The following RANBP10 variants were observed in gnomAD, a reference collection of about 807,000 sequenced individuals.
RANBP10 encodes RAN binding protein 10, also known as ran-binding protein 10.
In RANBP10, 24 loss-of-function variants were observed where a neutral mutation model predicts 72.8. The observed-to-expected ratio is 0.33, with a 90% CI of 0.24 to 0.46. The LOEUF (loss-of-function observed/expected upper bound fraction) is 0.46, where lower values mean the gene tolerates loss of function less well. RANBP10 is among the 20% of genes least tolerant of loss of function. The pLI is 1.00. For synonymous variants in RANBP10, 310 were observed against 322.3 expected (o/e 0.96, Z 0.41); for missense variants, 679 against 817.5 (o/e 0.83, Z 2.07).
At chr16:67,750,732 T>C (rs2054177748) in intron 3 of RANBP10, among the ~76,000 whole-genome samples, 2 of 151,570 alleles carry the variant, frequency 1.3e-5, no homozygotes, top group Non-Finnish European at 2.9e-5. Context: ...GTATAAGACA[T>C]AAGCTGGAAG....
chr16:67,737,958 C>T, intron 5 of RANBP10, 55 bp downstream of exon 5: 1 of 1,548,352 alleles, frequency 6.5e-7, no homozygotes, highest in Non-Finnish European at 8.8e-7. Flanking sequence ...CACCGTGCCC[C>T]ATCCCAGTCA....
chr16:67,801,487 A>G (rs1334636749), intron 2 of RANBP10, among the ~76,000 whole-genome samples: 1 of 152,208 alleles, frequency 6.6e-6, no homozygotes, highest in Non-Finnish European at 1.5e-5. Flanking sequence ...AGGGTAGGCC[A>G]CCAAACATCC....
At position 67,793,522 on chromosome 16, in the gene RANBP10, C is replaced by T. The variant is rs534433193; in HGVS notation, c.347+11906G>A. Among the ~76,000 whole-genome samples, 7 of 151,884 alleles carry T rather than the reference C, an allele frequency of 4.6e-5. No individual in the cohort carries two copies. In the East Asian group the frequency reaches 7.7e-4, roughly 17 times the overall value. Reference sequence around the variant, plus strand: ...AGACAGGGTTTCACCATGTTGGTCACGCTGGTCTCAAACTCCTAACCTCAG... The same window carrying T: ...AGACAGGGTTTCACCATGTTGGTCATGCTGGTCTCAAACTCCTAACCTCAG... On this transcript the variant is annotated intron_variant, in intron 2 of 13. Transcript: ENST00000317506.
rs1485743478 is a variant in RANBP10, at chr16:67,724,748, T to TG, written c.*1679dup. Reference sequence around the variant, plus strand: ...GGGCCCAGTGAGGCCTGGTGAGCAATGGGTATCTCAGGCCACACCAACCAT... The same window carrying TG: ...GGGCCCAGTGAGGCCTGGTGAGCAATGGGGTATCTCAGGCCACACCAACCAT... On this transcript the variant is annotated 3_prime_UTR_variant, in exon 14 of 14. Coordinates refer to ENST00000317506, the MANE Select transcript of RANBP10 (RefSeq NM_020850.3). 2 of 152,392 alleles carry TG rather than the reference T, an allele frequency of 1.3e-5. No homozygotes were observed. Among genetic ancestry groups the TG allele is most frequent in the East Asian group, 3.9e-4 (2 of 5,184 alleles). The allele number at this position is 152,392 out of a possible 1,614,324, so 9.4% of individuals were successfully genotyped here.
At chr16:67,752,371 C>A (rs970392794) in intron 3 of RANBP10, among the ~76,000 whole-genome samples, 2 of 152,062 alleles carry the variant, frequency 1.3e-5, no homozygotes, top group African/African-American at 2.4e-5. Context: ...CACAGGAGGC[C>A]GCTAGAAGCT....
At chr16:67,757,955 C>T (rs1267142644) in intron 3 of RANBP10, among the ~76,000 whole-genome samples, 2 of 152,282 alleles carry the variant, frequency 1.3e-5, no homozygotes, top group East Asian at 3.9e-4. Flanking sequence ...GATGATGATA[C>T]CAGGGGCTGA....
chr16:67,734,796 G>A, intron 6 of RANBP10, 62 bp downstream of exon 6: 1 of 1,449,790 alleles, frequency 6.9e-7, no homozygotes, highest in Non-Finnish European at 9.1e-7. Context: ...CCCTACAGGG[G>A]CCTAGAGTGA....
intron 2 of RANBP10, among the ~76,000 whole-genome samples, chr16:67,789,309 C>CA (rs1212571635): frequency 0.013 from 1,653 of 129,898 alleles, 17 homozygotes; most frequent in Non-Finnish European, 0.014. Flanking sequence ...GACTCCATCT[C>CA]AAAAAAAAAA....
chr16:67,734,313 C>G (rs932674365), intron 6 of RANBP10, among the ~76,000 whole-genome samples: 1 of 152,226 alleles, frequency 6.6e-6, no homozygotes, highest in Non-Finnish European at 1.5e-5. Flanking sequence ...AAACCCAAAG[C>G]TGGCCTCCCT....
At chr16:67,752,306 G>A (rs1003987334) in intron 3 of RANBP10, among the ~76,000 whole-genome samples, 3 of 152,226 alleles carry the variant, frequency 2.0e-5, no homozygotes, top group African/African-American at 7.2e-5. Context: ...TTATGAAATG[G>A]AAGATGCCTC....
At chr16:67,794,421 A>T (rs1325332405) in intron 2 of RANBP10, among the ~76,000 whole-genome samples, 1 of 151,362 alleles carries the variant, frequency 6.6e-6, no homozygotes, top group Non-Finnish European at 1.5e-5. Context: ...TGGGTGACAC[A>T]GCGAGACTCC....
chr16:67,754,063 G>A (rs1043032236), intron 3 of RANBP10, among the ~76,000 whole-genome samples: 1 of 151,552 alleles, frequency 6.6e-6, no homozygotes, highest in Non-Finnish European at 1.5e-5. Context: ...GAACCGGGAG[G>A]CGGAGCTTGC....
chr16:67,730,147 G>A lies in RANBP10; in HGVS notation c.890-101C>T, dbSNP rs1238045116. The A allele has an allele frequency of 1.4e-5, 15 of 1,037,920 alleles. 1 individual carries two copies. The South Asian group carries it at 1.8e-4, about 12-fold the overall frequency. The allele number at this position is 1,037,920 out of a possible 1,614,324, so 64.3% of individuals were successfully genotyped here. A position where few individuals can be genotyped will look rare whatever the true frequency, so the allele number is the denominator to read the frequency against. On this transcript the variant is annotated intron_variant, in intron 7 of 13. Coordinates refer to ENST00000317506, the MANE Select transcript of RANBP10 (RefSeq NM_020850.3). The surrounding 1 kb of genome is among the most constrained non-coding windows in gnomAD (Gnocchi z 4.3). ...GCCTCAGGGTAGGGTCCGGCTCAGA[G>A]TGCCTCGCCAGCTTGAAATGCTCAC...
At position 67,730,628 on chromosome 16, in the gene RANBP10, T is replaced by C. The variant is rs1597823769; in HGVS notation, c.890-582A>G. 6.6e-6 allele frequency among the ~76,000 whole-genome samples: 1 copy of C among 152,282 alleles called. No individual in the cohort carries two copies. The highest frequency in any genetic ancestry group is 2.1e-4 in the South Asian group (1 of 4,816). On this transcript the variant is annotated intron_variant, in intron 7 of 13. Transcript: ENST00000317506. The surrounding 1 kb of genome is among the most constrained non-coding windows in gnomAD (Gnocchi z 4.3). ...CATCTTGCTGCTGCCTTTTCGCTCT[T>C]GCCGTGGGGCCTGGTGCATCTCGCT...
intron 6 of RANBP10, 66 bp from the exon 7 acceptor site, chr16:67,731,650 C>A (rs947064018): frequency 6.5e-6 from 8 of 1,232,684 alleles, no homozygotes; most frequent in Non-Finnish European, 9.3e-6. Flanking sequence ...ACCCAATGGA[C>A]TCAGGACAGA....
chr16:67,747,651 G>A (rs905002962), intron 3 of RANBP10, among the ~76,000 whole-genome samples: 4 of 151,188 alleles, frequency 2.6e-5, no homozygotes, highest in East Asian at 1.9e-4. Flanking sequence ...TTACAGGCAC[G>A]CGCCACTACC....
At chr16:67,765,704 T>C (rs1042263331) in intron 3 of RANBP10, among the ~76,000 whole-genome samples, 1 of 151,488 alleles carries the variant, frequency 6.6e-6, no homozygotes, top group African/African-American at 2.4e-5. Flanking sequence ...GGTGTGGTGG[T>C]GGGCGCCTGT....
intron 3 of RANBP10, among the ~76,000 whole-genome samples, chr16:67,749,683 G>A (rs150383159): frequency 2.2e-4 from 34 of 152,304 alleles, no homozygotes; most frequent in African/African-American, 7.0e-4. Context: ...TTTTGGGACA[G>A]AACAATGCCC....
At chr16:67,736,782 C>T (rs2053856373) in intron 5 of RANBP10, among the ~76,000 whole-genome samples, 1 of 152,248 alleles carries the variant, frequency 6.6e-6, no homozygotes, top group South Asian at 2.1e-4. Flanking sequence ...CCTAGGACCA[C>T]AGCCCCTCTC....
Sources: gnomAD v4.1 joint callset for allele counts (sites outside exome capture counted in the v4.1 genomes callset) on GRCh38, gnomAD v4.1.1 for gene constraint, Gnocchi (gnomAD v3.1) non-coding constraint, MANE v1.5 for transcripts, NCBI Gene and HGNC (gene_info 2026-07-23, HGNC 2026-07-21) for gene names.